The following CHAT variants were observed in gnomAD, a reference collection of about 807,000 sequenced individuals.
CHAT encodes the protein acetyl CoA:choline O-acetyltransferase.
CHAT carries 61 observed loss-of-function variants against 76.9 expected under a neutral mutation model. The observed-to-expected ratio is 0.79, with a 90% confidence interval of 0.65 to 0.98. The LOEUF is 0.98. CHAT is among the 50% of genes least tolerant of loss of function. The pLI, the probability that CHAT is intolerant of heterozygous loss-of-function variation, is 0.00. For synonymous variants in CHAT, 407 were observed against 397.4 expected (o/e 1.02, Z -0.29); for missense variants, 946 against 986.9 (o/e 0.96, Z 0.56).
chr10:49,662,580 GC>G, intron 13 of CHAT, 64 bp from the exon 14 acceptor site: 1 of 1,601,070 alleles, frequency 6.2e-7, no homozygotes, highest in South Asian at 1.1e-5. Flanking sequence ...AGACTACAGA[GC>G]AGGGAACAAG....
chr10:49,611,331 A>T (rs774216202), upstream of CHAT: 2 of 1,603,480 alleles, frequency 1.2e-6, no homozygotes, highest in Non-Finnish European at 1.7e-6. Flanking sequence ...CGTCTGGCAT[A>T]GCCATGATCG....
At chr10:49,632,197 C>T (rs1448770826) in intron 7 of CHAT, among the ~76,000 whole-genome samples, 1 of 152,124 alleles carries the variant, frequency 6.6e-6, no homozygotes, top group East Asian at 1.9e-4. Flanking sequence ...GGGCAGACAC[C>T]TACAGAAGAG....
chr10:49,623,319 T>G (rs1008909570), intron 5 of CHAT, among the ~76,000 whole-genome samples: 1 of 152,106 alleles, frequency 6.6e-6, no homozygotes, highest in Non-Finnish European at 1.5e-5. Flanking sequence ...CACATGTGTG[T>G]GCACACTCAC....
At chr10:49,663,208 T>C (rs1304976847) in intron 14 of CHAT, among the ~76,000 whole-genome samples, 3 of 152,036 alleles carry the variant, frequency 2.0e-5, no homozygotes, top group Non-Finnish European at 4.4e-5. Context: ...CCAGCCCAGG[T>C]GACAGAGTGA....
At chr10:49,634,109 A>G (rs1475430636) in intron 7 of CHAT, among the ~76,000 whole-genome samples, 5 of 152,184 alleles carry the variant, frequency 3.3e-5, no homozygotes, top group Non-Finnish European at 2.9e-5. Context: ...CTTGCTCTGG[A>G]AAGGGGCTGG....
At chr10:49,622,040 G>GAAGTGAGGGAAGAGGAA in intron 4 of CHAT, 57 bp from the exon 5 acceptor site, 1 of 1,544,908 alleles carries the variant, frequency 6.5e-7, no homozygotes, top group Non-Finnish European at 8.9e-7. Flanking sequence ...AAGGGAGGGA[G>GAAGTGAGGGAAGAGGAA]GGAGGGAGGA....
At chr10:49,620,352 C>T (rs561362972) in intron 3 of CHAT, 143 bp from the exon 4 acceptor site, 7 of 741,258 alleles carry the variant, frequency 9.4e-6, no homozygotes, top group South Asian at 5.7e-5. Flanking sequence ...GACTGGGAAG[C>T]TCCTGGCACA....
chr10:49,629,757 T>C (rs1839050471), intron 7 of CHAT, among the ~76,000 whole-genome samples: 1 of 152,236 alleles, frequency 6.6e-6, no homozygotes, highest in African/African-American at 2.4e-5. Flanking sequence ...GTAATCCGAT[T>C]AATCCAGTTA....
intron 1 of CHAT, chr10:49,615,970 C>G: frequency 6.7e-7 from 1 of 1,497,346 alleles, no homozygotes; most frequent in Non-Finnish European, 9.3e-7. Flanking sequence ...AGCACAGGGC[C>G]TTAAAGGCCT....
At chr10:49,610,089 G>A (rs1290926080), upstream of CHAT, among the ~76,000 whole-genome samples, 1 of 151,876 alleles carries the variant, frequency 6.6e-6, no homozygotes, top group African/African-American at 2.4e-5. Flanking sequence ...CCCAGGGGCT[G>A]GTTCAAGACT....
chr10:49,611,652 C>T (rs754806177), upstream of CHAT: 6 of 1,611,804 alleles, frequency 3.7e-6, no homozygotes, highest in African/African-American at 6.7e-5. Context: ...GTAACATTCC[C>T]CTCGCCTTCC....
rs1554802473 is a variant in CHAT at position 49,619,740 on chromosome 10, C to T, written c.403C>T (p.Pro135Ser). 6.2e-7 allele frequency: 1 copy of T among 1,612,326 alleles called. No homozygotes were observed. Among genetic ancestry groups the T allele is most frequent in the Middle Eastern group, 1.9e-4 (1 of 5,376 alleles). ...TTTCTTCCAGGGGCTGCCCAAACTG[C>T]CCGTGCCCCCGCTGCAGCAGACCCT... ...SSEESGLPKLPVPPLQQTLAT... is the reference protein window; with the variant it reads ...SSEESGLPKLSVPPLQQTLAT... Residue 135 changes from proline (P) to serine (S), a missense_variant, in exon 3 of 15, where the codon CCC (proline) becomes TCC (serine). Coordinates refer to ENST00000337653, the MANE Select transcript of CHAT (RefSeq NM_020549.5).
chr10:49,611,753 A>C, upstream of CHAT: 3 of 1,603,922 alleles, frequency 1.9e-6, no homozygotes, highest in Non-Finnish European at 2.5e-6. Flanking sequence ...TTCGTGCCTC[A>C]TGTGCTGGGC....
intron 5 of CHAT, among the ~76,000 whole-genome samples, chr10:49,623,236 G>C (rs1474035601): frequency 1.3e-5 from 2 of 152,034 alleles, no homozygotes; most frequent in Non-Finnish European, 2.9e-5. Flanking sequence ...TTGTCTTGCT[G>C]GGCCTGGGGA....
chr10:49,614,321 C>A lies in CHAT; in HGVS notation c.132C>A (p.Asp44Glu). The A allele has an allele frequency of 6.5e-7, 1 of 1,547,734 alleles. No homozygotes were observed. Among genetic ancestry groups the A allele is most frequent in the African/African-American group, 1.4e-5 (1 of 73,090 alleles). ...TTCTCCAGTCGGGTGGCCGCGGGGA[C>A]CCGGGCGACGTCGGAGGCCCTGCCG... The part of the protein sequence containing the change: ...ACFLQSGGRG[D>E]PGDVGGPAGN... Residue 44 changes from aspartate to glutamate, a missense_variant, in exon 1 of 15, where the codon GAC becomes GAA. Physicochemically the swap from Asp to Glu is conservative, Grantham distance 45 (BLOSUM62 2). Around this residue, in one of 3 missense-constraint regions of CHAT, gnomAD observed 548 missense variants for 516.2 expected, o/e 1.06. Coordinates refer to ENST00000337653, the MANE Select transcript of CHAT (RefSeq NM_020549.5).
Position 49,649,734 on chromosome 10 carries a change from A to G in CHAT, c.1511+98A>G, listed in dbSNP as rs1335412649. The G allele has an allele frequency of 5.3e-6, 7 of 1,332,236 alleles. No homozygotes were observed. In the African/African-American group the frequency reaches 1.0e-4, roughly 19 times the overall value. 82.5% of individuals were successfully genotyped at this position (1,332,236 alleles called of 1,614,324 possible). A position where few individuals can be genotyped will look rare whatever the true frequency, so the allele number is the denominator to read the frequency against. ...CTCCCTGGAAGTTTCCAAAGACCCC[A>G]GCTCCTCTGCCTCTCCTTGGGCTCC... On this transcript the variant is annotated intron_variant, in intron 10 of 14. Coordinates refer to ENST00000337653, the MANE Select transcript of CHAT (RefSeq NM_020549.5).
At chr10:49,643,312 A>G (rs1447092809) in intron 7 of CHAT, among the ~76,000 whole-genome samples, 1 of 152,166 alleles carries the variant, frequency 6.6e-6, no homozygotes, top group African/African-American at 2.4e-5. Flanking sequence ...CCGATCACTC[A>G]CAAGCTCTGC....
Position 49,644,009 on chromosome 10 carries a change from G to A in CHAT, c.1112-2496G>A, listed in dbSNP as rs368199007. Among the ~76,000 whole-genome samples the A allele has an allele frequency of 2.6e-4, 39 of 150,330 alleles. No homozygotes were observed. In the South Asian group the frequency reaches 7.7e-3, roughly 30 times the overall value. ...AGCAGGGGCTGGTGGTCAGGGATTG[G>A]GGGGCACCTCTGGGCTCAGGTGCTG... On this transcript the variant is annotated intron_variant, in intron 7 of 14. Coordinates refer to ENST00000337653, the MANE Select transcript of CHAT (RefSeq NM_020549.5).
intron 7 of CHAT, among the ~76,000 whole-genome samples, chr10:49,630,076 C>T (rs1037556586): frequency 9.2e-5 from 14 of 151,928 alleles, no homozygotes; most frequent in African/African-American, 3.4e-4. Context: ...CATTGCCACA[C>T]ATGTTGGGTT....
Sources: allele counts gnomAD v4.1 joint callset (sites outside exome capture counted in the v4.1 genomes callset), GRCh38; gene constraint gnomAD v4.1.1; regional missense constraint gnomAD v4.1.1; transcripts MANE v1.5; gene names NCBI Gene and HGNC (gene_info 2026-07-23, HGNC 2026-07-21).